MOBP: variants seen among roughly 807,000 people sequenced by gnomAD.
MOBP encodes myelin associated oligodendrocyte basic protein.
A neutral mutation model predicts 15.0 loss-of-function variants in MOBP; 5 were observed. The ratio of observed to expected loss-of-function variants is 0.33; its 90% CI spans 0.17 to 0.70. The LOEUF is 0.70. Among genes scored for constraint, MOBP ranks in the 30% least tolerant of loss-of-function variants. The pLI, the probability that MOBP is intolerant of heterozygous loss-of-function variation, is 0.67. For missense variants in MOBP, 188 were observed against 257.8 expected, an observed-to-expected ratio of 0.73 and a Z score of 1.85; for synonymous variants, 88 against 99.0, an observed-to-expected ratio of 0.89 and a Z score of 0.66.
chr3:39,487,411 C>G (rs748717397), intron 2 of MOBP, among the ~76,000 whole-genome samples: 8 of 151,274 alleles, frequency 5.3e-5, no homozygotes, highest in Admixed American at 2.6e-4. Context: ...AACTGTTCCA[C>G]TTGTCTATTT....
At chr3:39,476,812 G>C (rs1390360091) in intron 1 of MOBP, among the ~76,000 whole-genome samples, 1 of 151,744 alleles carries the variant, frequency 6.6e-6, no homozygotes, top group Admixed American at 6.6e-5. Flanking sequence ...GCCTCATTTT[G>C]TCATACATTA....
chr3:39,512,009 T>C (rs777383305), intron 4 of MOBP, among the ~76,000 whole-genome samples: 1 of 152,224 alleles, frequency 6.6e-6, no homozygotes, highest in Non-Finnish European at 1.5e-5. Flanking sequence ...CATTAGTTCA[T>C]CATATTATAG....
chr3:39,505,133 A>G (rs994582675), downstream of MOBP, among the ~76,000 whole-genome samples: 2 of 152,208 alleles, frequency 1.3e-5, no homozygotes, highest in Non-Finnish European at 1.5e-5. Context: ...AGGATTTCAC[A>G]AGGTTGTCCT....
chr3:39,482,877 C>A (rs981326323), intron 2 of MOBP, among the ~76,000 whole-genome samples: 3 of 152,038 alleles, frequency 2.0e-5, no homozygotes, highest in Non-Finnish European at 2.9e-5. Context: ...TATACCTCCC[C>A]AACCCCAACT....
At chr3:39,494,544 C>T (rs908882940) in intron 2 of MOBP, among the ~76,000 whole-genome samples, 13 of 151,504 alleles carry the variant, frequency 8.6e-5, no homozygotes, top group African/African-American at 3.2e-4. Context: ...TTTGTGAAAA[C>T]GTCATGCAGT....
chr3:39,506,031 A>G (rs2043043689), downstream of MOBP, among the ~76,000 whole-genome samples: 1 of 152,108 alleles, frequency 6.6e-6, no homozygotes, highest in South Asian at 2.1e-4. Context: ...AGGTTGAAGC[A>G]TTCATTCGCT....
At chr3:39,474,614 T>C (rs907027736) in intron 1 of MOBP, among the ~76,000 whole-genome samples, 2 of 152,212 alleles carry the variant, frequency 1.3e-5, no homozygotes, top group Non-Finnish European at 1.5e-5. Context: ...TCCTAACTTA[T>C]ACACATCATC....
intron 1 of MOBP, among the ~76,000 whole-genome samples, chr3:39,468,776 A>G (rs1267239838): frequency 2.7e-5 from 3 of 109,628 alleles, no homozygotes; most frequent in African/African-American, 4.4e-5. Context: ...GTGTATATAT[A>G]CATATATACA....
intron 2 of MOBP, among the ~76,000 whole-genome samples, chr3:39,483,013 C>G (rs533703725): frequency 6.6e-6 from 1 of 152,318 alleles, no homozygotes; most frequent in East Asian, 1.9e-4. Flanking sequence ...AGATCCTCAA[C>G]TATATGGACT....
At chr3:39,503,294 G>A (rs2043003562), downstream of MOBP, among the ~76,000 whole-genome samples, 1 of 152,118 alleles carries the variant, frequency 6.6e-6, no homozygotes, top group Non-Finnish European at 1.5e-5. Flanking sequence ...TTCATCTGAT[G>A]TCAATCTCAG....
downstream of MOBP, among the ~76,000 whole-genome samples, chr3:39,506,446 A>C (rs1235086362): frequency 6.6e-6 from 1 of 151,908 alleles, no homozygotes; most frequent in Admixed American, 6.6e-5. Flanking sequence ...GTGGGAAGCA[A>C]GATAAGGAAG....
chr3:39,488,145 AT>A (rs1011841553), intron 2 of MOBP, among the ~76,000 whole-genome samples: 66 of 151,992 alleles, frequency 4.3e-4, no homozygotes, highest in Admixed American at 2.1e-3. Flanking sequence ...TTCAGTAATT[AT>A]TTTTTTCCAT....
At chr3:39,518,152 A>G (rs543446193), downstream of MOBP, among the ~76,000 whole-genome samples, 2 of 152,318 alleles carry the variant, frequency 1.3e-5, no homozygotes, top group Admixed American at 6.5e-5. Flanking sequence ...TCAATTCACA[A>G]CTTCAGGCTG....
chr3:39,488,071 T>G (rs2042743041), intron 2 of MOBP, among the ~76,000 whole-genome samples: 1 of 152,220 alleles, frequency 6.6e-6, no homozygotes, highest in Non-Finnish European at 1.5e-5. Context: ...AATCCATACA[T>G]TTTAGTCTTT....
chr3:39,483,628 G>A (rs2042657728), intron 2 of MOBP, among the ~76,000 whole-genome samples: 1 of 152,096 alleles, frequency 6.6e-6, no homozygotes, highest in African/African-American at 2.4e-5. Flanking sequence ...TTGGGAGATT[G>A]GTTGTCTTCC....
At chr3:39,512,370 C>T (rs1443871203) in intron 4 of MOBP, among the ~76,000 whole-genome samples, 1 of 152,096 alleles carries the variant, frequency 6.6e-6, no homozygotes, top group African/African-American at 2.4e-5. Flanking sequence ...TGCAGGCTGC[C>T]ACATGTCTGG....
chr3:39,474,699 CT>C (rs1264637962), intron 1 of MOBP, among the ~76,000 whole-genome samples: 3 of 152,130 alleles, frequency 2.0e-5, no homozygotes, highest in Admixed American at 6.5e-5. Flanking sequence ...TATAGTATGT[CT>C]GTTTATGTAT....
In MOBP at chr3:39,499,803, A is replaced by G. The variant is rs150502660; in HGVS notation, c.-4-2263A>G. The G allele has an allele frequency of 2.3e-3, 753 of 330,396 alleles. 4 individuals are homozygous for G. Among genetic ancestry groups the G allele is most frequent in the African/African-American group, 0.014 (652 of 45,540 alleles). The allele number at this position is 330,396 out of a possible 1,614,324, so 20.5% of individuals were successfully genotyped here. A position where few individuals can be genotyped will look rare whatever the true frequency, so the allele number is the denominator to read the frequency against. ...TGTCCTGGCTCTATTATGTCTTCCA[A>G]TTCTGCAATGCAGATAGGATGAGGG... On this transcript the variant is annotated intron_variant, in intron 2 of 3. Coordinates refer to ENST00000684792, the MANE Select transcript of MOBP (RefSeq NM_001393704.1).
At chr3:39,477,488 C>T (rs1392026331) in intron 1 of MOBP, among the ~76,000 whole-genome samples, 2 of 151,734 alleles carry the variant, frequency 1.3e-5, no homozygotes, top group Admixed American at 6.6e-5. Context: ...TATAAAAGTA[C>T]AGCACATACA....
Sources: gnomAD v4.1 joint callset for allele counts (sites outside exome capture counted in the v4.1 genomes callset) on GRCh38, gnomAD v4.1.1 for gene constraint, MANE v1.5 for transcripts, NCBI Gene and HGNC (gene_info 2026-07-23, HGNC 2026-07-21) for gene names.